The following DEFA5 variants were observed in gnomAD, a reference collection of about 807,000 sequenced individuals.
DEFA5 encodes defensin alpha 5.
Under a neutral mutation model 8.7 loss-of-function variants are expected in DEFA5, and 11 were observed. The observed-to-expected ratio is 1.26, with a 90% CI of 0.80 to 2.09. The LOEUF is 2.09. Among genes scored for constraint, DEFA5 ranks in the 30% most tolerant of loss-of-function variants. The pLI is 0.00. For missense variants in DEFA5, 181 were observed against 117.2 expected, an observed-to-expected ratio of 1.54 and a Z score of -2.52; for synonymous variants, 52 against 43.9, an observed-to-expected ratio of 1.18 and a Z score of -0.73.
At chr8:7,056,078 T>G (rs953481905) in intron 1 of DEFA5, among the ~76,000 whole-genome samples, 5 of 144,570 alleles carry the variant, frequency 3.5e-5, no homozygotes, top group Non-Finnish European at 6.0e-5. Flanking sequence ...TGACAAACAA[T>G]AATTGTGTAT....
rs1160238827 is a variant in DEFA5, at chr8:7,055,689, A to G, written c.173-146T>C. ...ATTCATGTCTTTGTCGTAAGTGACA[A>G]GAAATCTTACTAGCTATGTGTTAGT... is the stretch of plus-strand genomic sequence containing the variant. On this transcript the variant is annotated intron_variant, in intron 1 of 1. Transcript: ENST00000330590. 7.9e-6 allele frequency: 5 copies of G among 633,152 alleles called. 1 individual carries two copies. The highest frequency in any genetic ancestry group is 1.4e-5 in the Non-Finnish European group (5 of 353,334). The allele number at this position is 633,152 out of a possible 1,614,324, so 39.2% of individuals were successfully genotyped here.
At chr8:7,056,362 T>C (rs10098290) in intron 1 of DEFA5, among the ~76,000 whole-genome samples, 164 bp downstream of exon 1, 449 of 152,326 alleles carry the variant, frequency 2.9e-3, no homozygotes, top group African/African-American at 0.01. Flanking sequence ...ATCTTTTAGA[T>C]TTATTTGGTT....
chr8:7,055,609 T>A lies in DEFA5; in HGVS notation c.173-66A>T, dbSNP rs886492599. On this transcript the variant is annotated intron_variant, in intron 1 of 1. Transcript: ENST00000330590. ...GGAAAAAGGACAAGCACAGCCAGACTAACTGAGATAGTCTAAATAAGAGAC... is the reference window on the plus strand; with the variant it reads ...GGAAAAAGGACAAGCACAGCCAGACAAACTGAGATAGTCTAAATAAGAGAC... 3.0e-6 allele frequency: 3 copies of A among 1,010,114 alleles called. No individual in the cohort carries two copies. In the African/African-American group the frequency reaches 4.7e-5, roughly 16 times the overall value. 62.6% of individuals were successfully genotyped at this position (1,010,114 alleles called of 1,614,324 possible). A position where few individuals can be genotyped will look rare whatever the true frequency, so the allele number is the denominator to read the frequency against.
At position 7,055,457 on chromosome 8, in the gene DEFA5, G is replaced by T. The variant is rs756928283; in HGVS notation, c.259C>A (p.Arg87Ser). The T allele has an allele frequency of 6.2e-7, 1 of 1,613,624 alleles. No individual in the cohort carries two copies. Among genetic ancestry groups the T allele is most frequent in the Non-Finnish European group, 8.5e-7 (1 of 1,179,892 alleles). ...SLSGVCEISGRLYRLCCR is the reference protein window; with the variant it reads ...SLSGVCEISGSLYRLCCR ...CAGCGACAGCAGAGTCTGTAGAGGC[G>T]GCCACTGATTTCACACACCCCGGAG... Residue 87 changes from arginine to serine, a missense_variant, in exon 2 of 2, where the codon CGC (arginine) becomes AGC (serine). Arg to Ser is a moderately radical substitution (Grantham distance 110, BLOSUM62 -1). Transcript: ENST00000330590.
chr8:7,055,658 G>A, intron 1 of DEFA5, 115 bp from the exon 2 acceptor site: 1 of 689,758 alleles, frequency 1.4e-6, no homozygotes, highest in South Asian at 1.7e-5. Flanking sequence ...TGTTAGGATG[G>A]AGAAAATTCA....
In DEFA5 at chr8:7,056,596, C is replaced by T; in HGVS notation, c.102G>A (p.Gln34=). 3 of 1,614,172 alleles carry T rather than the reference C, an allele frequency of 1.9e-6. No homozygotes were observed. The highest frequency in any genetic ancestry group is 2.5e-6 in the Non-Finnish European group (3 of 1,179,992). ...ERADEATTQK[Q]SGEDNQDLAI... ...CAAGGTCCTGGTTGTCTTCCCCAGA[C>T]TGCTTCTGGGTTGTAGCCTCATCAG... is the stretch of plus-strand genomic sequence containing the variant. Residue 34 remains glutamine (Q), a synonymous_variant, in exon 1 of 2, where the codon CAG becomes CAA. Transcript: ENST00000330590.
intron 1 of DEFA5, among the ~76,000 whole-genome samples, chr8:7,055,945 C>T (rs539297251): frequency 6.6e-5 from 10 of 151,326 alleles, no homozygotes; most frequent in African/African-American, 1.7e-4. Flanking sequence ...ATGTCATGGA[C>T]CAAATACTTT....
At position 7,056,733 on chromosome 8, in the gene DEFA5, G is replaced by C. The variant is rs55818222; in HGVS notation, c.-36C>G. ...ACCTGCAGGAGGGAGAGCAGGAGTGGATATGTGGGGAGTGAGGAGTCAGCC... is the reference window on the plus strand; with the variant it reads ...ACCTGCAGGAGGGAGAGCAGGAGTGCATATGTGGGGAGTGAGGAGTCAGCC... On this transcript the variant is annotated 5_prime_UTR_variant, in exon 1 of 2. The change creates a new upstream start codon in the 5' untranslated region. Transcript: ENST00000330590. The C allele has an allele frequency of 1.7e-5, 27 of 1,578,646 alleles. No individual in the cohort carries two copies. Among genetic ancestry groups the C allele is most frequent in the Non-Finnish European group, 2.2e-5 (25 of 1,156,454 alleles).
rs1812382207 is a variant in DEFA5, at chr8:7,055,440, G to A, written c.276C>T (p.Cys92=). ...CEISGRLYRL[C]CR ...TTTCTATCTAGGAAGCTCAGCGACA[G>A]CAGAGTCTGTAGAGGCGGCCACTGA... Residue 92 remains cysteine (C), a synonymous_variant, in exon 2 of 2, where the codon TGC becomes TGT. Transcript: ENST00000330590. 4 of 1,613,460 alleles carry A rather than the reference G, an allele frequency of 2.5e-6. No homozygotes were observed. The highest frequency in any genetic ancestry group is 3.4e-6 in the Non-Finnish European group (4 of 1,179,610).
chr8:7,055,967 A>C (rs1333387941), intron 1 of DEFA5, among the ~76,000 whole-genome samples: 1 of 148,472 alleles, frequency 6.7e-6, no homozygotes, highest in East Asian at 2.1e-4. Flanking sequence ...GTGCTCAAGG[A>C]GTCTTTGAAG....
At chr8:7,055,613 T>C (rs1233036921) in intron 1 of DEFA5, 70 bp from the exon 2 acceptor site, 7 of 978,220 alleles carry the variant, frequency 7.2e-6, no homozygotes, top group South Asian at 2.7e-5. Context: ...CCAGACTAAC[T>C]GAGATAGTCT....
Position 7,056,658 on chromosome 8 carries a change from C to T in DEFA5, c.40G>A (p.Ala14Thr), listed in dbSNP as rs1384794739. ...AGTGACTCAGCCTGGGCCTGCAGGG[C>T]CACCAGGAGAATGGCAGCAAGGATG... ...IAILAAILLV[A>T]LQAQAESLQE... is the part of the protein sequence containing the mutation. The change falls in exon 1 of 2, where the codon GCC becomes ACC. Residue 14 changes from alanine (A) to threonine (T), a missense_variant. Physicochemically the swap from Ala to Thr is moderately conservative, Grantham distance 58. Transcript: ENST00000330590. The T allele has an allele frequency of 1.5e-5, 24 of 1,613,482 alleles. No homozygotes were observed. Among genetic ancestry groups the T allele is most frequent in the Non-Finnish European group, 1.6e-5 (19 of 1,179,670 alleles).
rs140349881 is a variant in DEFA5 at position 7,055,493 on chromosome 8, G to A, written c.223C>T (p.Arg75Cys). The A allele has an allele frequency of 2.9e-5, 47 of 1,613,680 alleles. 1 individual carries two copies. Among genetic ancestry groups the A allele is most frequent in the Middle Eastern group, 3.3e-4 (2 of 6,084 alleles). ...CYCRTGRCAT[R>C]ESLSGVCEIS... Reference sequence around the variant, plus strand: ...TCACACACCCCGGAGAGGGACTCACGGGTAGCACAACGGCCGGTTCGGCAA... The same window carrying A: ...TCACACACCCCGGAGAGGGACTCACAGGTAGCACAACGGCCGGTTCGGCAA... The change falls in exon 2 of 2, where the codon CGT (arginine) becomes TGT (cysteine). Residue 75 changes from arginine (R) to cysteine (C), a missense_variant. Physicochemically the swap from Arg to Cys is radical, Grantham distance 180. Transcript: ENST00000330590.
chr8:7,055,546 G>A lies in DEFA5; in HGVS notation c.173-3C>T. Reference sequence around the variant, plus strand: ...GCAGGTGGCTCTTGCCTGAGAACCTGTGGAAAGAAGAGAGGGTCAGGCACA... The same window carrying A: ...GCAGGTGGCTCTTGCCTGAGAACCTATGGAAAGAAGAGAGGGTCAGGCACA... On this transcript the variant is annotated splice_region_variant and splice_polypyrimidine_tract_variant and intron_variant, in intron 1 of 1. Coordinates refer to ENST00000330590, the MANE Select transcript of DEFA5 (RefSeq NM_021010.3). The A allele has an allele frequency of 6.2e-7, 1 of 1,605,010 alleles. No homozygotes were observed.
Position 7,055,445 on chromosome 8 carries a change from G to C in DEFA5, c.271C>G (p.Leu91Val), listed in dbSNP as rs1401751326. 5 of 1,613,650 alleles carry C rather than the reference G, an allele frequency of 3.1e-6. No homozygotes were observed. The highest frequency in any genetic ancestry group is 1.3e-5 in the African/African-American group (1 of 74,916). ...VCEISGRLYR[L>V]CCR ...ATCTAGGAAGCTCAGCGACAGCAGAGTCTGTAGAGGCGGCCACTGATTTCA... is the reference window on the plus strand; with the variant it reads ...ATCTAGGAAGCTCAGCGACAGCAGACTCTGTAGAGGCGGCCACTGATTTCA... Residue 91 changes from leucine (L) to valine (V), a missense_variant, in exon 2 of 2, where the codon CTC becomes GTC. Transcript: ENST00000330590.
Position 7,056,709 on chromosome 8 carries a change from C to G in DEFA5, c.-12G>C, listed in dbSNP as rs778734079. On this transcript the variant is annotated 5_prime_UTR_variant, in exon 1 of 2. Transcript: ENST00000330590. ...GCGATGGTCCTCATGGCTGGGGTCA[C>G]CTGCAGGAGGGAGAGCAGGAGTGGA... The G allele has an allele frequency of 1.2e-6, 2 of 1,603,484 alleles. No homozygotes were observed. The highest frequency in any genetic ancestry group is 2.2e-5 in the South Asian group (2 of 90,256).
Position 7,056,689 on chromosome 8 carries a change from G to C in DEFA5, c.9C>G (p.Thr3=). The C allele has an allele frequency of 1.9e-6, 3 of 1,611,542 alleles. No individual in the cohort carries two copies. Among genetic ancestry groups the C allele is most frequent in the Non-Finnish European group, 2.5e-6 (3 of 1,178,512 alleles). The part of the protein sequence containing the change: MR[T]IAILAAILLV... ...GGAGAATGGCAGCAAGGATGGCGAT[G>C]GTCCTCATGGCTGGGGTCACCTGCA... Residue 3 remains threonine (T), a synonymous_variant, in exon 1 of 2, where the codon ACC becomes ACG. Coordinates refer to ENST00000330590, the MANE Select transcript of DEFA5 (RefSeq NM_021010.3).
intron 1 of DEFA5, among the ~76,000 whole-genome samples, chr8:7,056,013 CCTTTTTT>C (rs1371094070): frequency 1.3e-4 from 8 of 63,720 alleles, no homozygotes; most frequent in African/African-American, 4.9e-4. Context: ...CTCTGTCTCT[CCTTTTTT>C]TTTTTTTTTT....
chr8:7,055,603 C>A (rs45613133), intron 1 of DEFA5, 60 bp from the exon 2 acceptor site: 105,359 of 1,092,888 alleles, frequency 0.096, 6,587 homozygotes, highest in African/African-American at 0.26. Context: ...ACAAGCACAG[C>A]CAGACTAACT....
Sources: gnomAD v4.1 joint callset for allele counts (sites outside exome capture counted in the v4.1 genomes callset) on GRCh38, gnomAD v4.1.1 for gene constraint, MANE v1.5 for transcripts, NCBI Gene and HGNC (gene_info 2026-07-23, HGNC 2026-07-21) for gene names.